Variants in CEP112 observed in about 807,000 individuals in gnomAD.
The protein encoded by CEP112 is centrosomal protein of 112 kDa.
Under a neutral mutation model 153.0 loss-of-function variants are expected in CEP112, and 127 were observed. The observed-to-expected ratio is 0.83, with a 90% CI of 0.72 to 0.96. The LOEUF (loss-of-function observed/expected upper bound fraction) is 0.96. Ranked by LOEUF, CEP112 falls within the 40% of genes least tolerant of loss-of-function variation. The probability of loss-of-function intolerance (pLI) is 0.00; values close to 1 mark genes in which losing one functional copy is unlikely to be tolerated. For missense variants in CEP112, 1,089 were observed against 1,101.2 expected (o/e 0.99, Z 0.16); for synonymous variants, 358 against 374.4 (o/e 0.96, Z 0.51).
intron 21 of CEP112, among the ~76,000 whole-genome samples, chr17:65,842,691 G>C (rs899390716): frequency 6.6e-6 from 1 of 152,062 alleles, no homozygotes; most frequent in Non-Finnish European, 1.5e-5. Flanking sequence ...ACTGTGATAC[G>C]AGTGCCTCAC....
chr17:65,938,240 A>G (rs954720432), intron 18 of CEP112, among the ~76,000 whole-genome samples: 3 of 142,412 alleles, frequency 2.1e-5, no homozygotes, highest in African/African-American at 7.7e-5. Context: ...AAGAGTCATC[A>G]CCACTCCCTA....
intron 12 of CEP112, among the ~76,000 whole-genome samples, chr17:66,046,870 A>G (rs66472808): frequency 0.41 from 62,409 of 151,902 alleles, 14,286 homozygotes; most frequent in East Asian, 0.87. Flanking sequence ...GACCACCCGC[A>G]GCCACCAGAA....
chr17:65,771,844 A>G lies in CEP112; in HGVS notation c.2395-21120T>C, dbSNP rs1220091576. 1.2e-3 allele frequency among the ~76,000 whole-genome samples: 176 copies of G among 152,080 alleles called. 2 individuals carry two copies. The highest frequency in any genetic ancestry group is 8.8e-5 in the Non-Finnish European group (6 of 67,982). The stretch of plus-strand genomic sequence containing the variant: ...AGCCTGGGCAACATAGTGAGACCCC[A>G]TGTCTAAGAAAAAAAATAATTTAAA... On this transcript the variant is annotated intron_variant, in intron 21 of 26. Coordinates refer to ENST00000535342, the MANE Select transcript of CEP112 (RefSeq NM_001199165.4).
intron 6 of CEP112, among the ~76,000 whole-genome samples, chr17:66,124,579 A>G (rs372925878): frequency 1.4e-5 from 2 of 145,234 alleles, no homozygotes; most frequent in East Asian, 4.4e-4. Context: ...AAAAAAAAAA[A>G]TCCCCTCACA....
intron 12 of CEP112, among the ~76,000 whole-genome samples, chr17:66,049,408 A>G (rs2066348653): frequency 6.6e-6 from 1 of 152,230 alleles, no homozygotes; most frequent in Non-Finnish European, 1.5e-5. Flanking sequence ...CTGAAGATAA[A>G]TTATGAGAAC....
At position 65,895,956 on chromosome 17, in the gene CEP112, A is replaced by T. The variant is rs112784281; in HGVS notation, c.2163+6196T>A. On this transcript the variant is annotated intron_variant, in intron 20 of 26. Transcript: ENST00000535342. The stretch of plus-strand genomic sequence containing the variant: ...TTACTCCCTATTTAAAATCTCTTCC[A>T]TATTTAATTACCTCTTCTTCAAGAA... Among the ~76,000 whole-genome samples the T allele has an allele frequency of 8.9e-3, 1,361 of 152,230 alleles. 14 individuals carry two copies. The highest frequency in any genetic ancestry group is 0.016 in the Non-Finnish European group (1,074 of 67,982).
intron 4 of CEP112, among the ~76,000 whole-genome samples, chr17:66,137,928 T>C (rs947149127): frequency 6.6e-6 from 1 of 152,132 alleles, no homozygotes. Context: ...TCTATTGATA[T>C]AATAGTGGTG....
chr17:65,786,751 G>T (rs1277743670), intron 21 of CEP112, among the ~76,000 whole-genome samples: 1 of 151,480 alleles, frequency 6.6e-6, no homozygotes, highest in Non-Finnish European at 1.5e-5. Flanking sequence ...CACACCCGAC[G>T]ACCTTTTTAT....
At chr17:65,889,948 G>T (rs1479976914) in intron 20 of CEP112, among the ~76,000 whole-genome samples, 2 of 151,964 alleles carry the variant, frequency 1.3e-5, no homozygotes, top group Non-Finnish European at 2.9e-5. Context: ...AGTGACTTTC[G>T]ATTGTTGACA....
intron 24 of CEP112, among the ~76,000 whole-genome samples, chr17:65,649,610 T>C (rs1265381663): frequency 2.0e-5 from 3 of 151,436 alleles, no homozygotes; most frequent in African/African-American, 7.3e-5. Flanking sequence ...TCCCAGCTAC[T>C]TGAGAGTCTG....
chr17:65,778,653 A>T (rs529299109), intron 21 of CEP112, among the ~76,000 whole-genome samples: 1 of 152,346 alleles, frequency 6.6e-6, no homozygotes, highest in South Asian at 2.1e-4. Flanking sequence ...GCTTTTAGAT[A>T]AAAAGATGGC....
At chr17:65,806,705 G>T (rs1264987347) in intron 21 of CEP112, among the ~76,000 whole-genome samples, 1 of 152,160 alleles carries the variant, frequency 6.6e-6, no homozygotes, top group Admixed American at 6.5e-5. Flanking sequence ...TGGATGGGAA[G>T]ATGTGTCTTG....
chr17:65,899,953 C>T (rs9911731), intron 20 of CEP112, among the ~76,000 whole-genome samples: 54,484 of 151,938 alleles, frequency 0.36, 11,221 homozygotes, highest in Middle Eastern at 0.48. Context: ...TACTTTGTTT[C>T]CTTGAAATTT....
intron 19 of CEP112, among the ~76,000 whole-genome samples, chr17:65,905,849 G>A (rs1383308550): frequency 9.2e-5 from 14 of 152,070 alleles, no homozygotes; most frequent in East Asian, 1.9e-4. Context: ...GGAGGCTGAC[G>A]CGGGAGAATG....
At chr17:66,183,392 A>C (rs2072797415) in intron 1 of CEP112, 85 bp from the exon 2 acceptor site, 2 of 889,850 alleles carry the variant, frequency 2.2e-6, no homozygotes. Flanking sequence ...AAAAACTCTT[A>C]AGTGTTAGAT....
chr17:66,145,027 T>C (rs2070863402), intron 4 of CEP112, among the ~76,000 whole-genome samples: 1 of 152,210 alleles, frequency 6.6e-6, no homozygotes, highest in African/African-American at 2.4e-5. Context: ...CTCACCACCA[T>C]ACTTGGTTTT....
chr17:65,721,908 G>A (rs2049910410), intron 23 of CEP112, among the ~76,000 whole-genome samples: 1 of 152,050 alleles, frequency 6.6e-6, no homozygotes, highest in South Asian at 2.1e-4. Context: ...TTCTCAGACT[G>A]CCCACATGAG....
intron 19 of CEP112, among the ~76,000 whole-genome samples, chr17:65,925,068 C>A (rs1301782396): frequency 6.6e-6 from 1 of 152,178 alleles, no homozygotes; most frequent in East Asian, 1.9e-4. Flanking sequence ...CAAATCTCAC[C>A]TTGAATTGTA....
In CEP112 at chr17:66,066,759, T is replaced by A; in HGVS notation, c.955+19A>T. The A allele has an allele frequency of 2.8e-6, 4 of 1,414,736 alleles. No individual in the cohort carries two copies. Among genetic ancestry groups the A allele is most frequent in the Non-Finnish European group, 3.8e-6 (4 of 1,057,394 alleles). 87.6% of individuals were successfully genotyped at this position (1,414,736 alleles called of 1,614,324 possible). ...AATGGAAATGTTATTAAAAGATGTA[T>A]GTAACAACACAACATCACCTTTCTT... is the stretch of plus-strand genomic sequence containing the variant. On this transcript the variant is annotated intron_variant, in intron 10 of 26. Transcript: ENST00000535342.
Sources: allele counts gnomAD v4.1 joint callset (sites outside exome capture counted in the v4.1 genomes callset), GRCh38; gene constraint gnomAD v4.1.1; transcripts MANE v1.5; gene names NCBI Gene and HGNC (gene_info 2026-07-23, HGNC 2026-07-21).